The following FYN variants were observed in gnomAD, a reference collection of about 807,000 sequenced individuals.
FYN encodes the protein FYN proto-oncogene, Src family tyrosine kinase.
Under a neutral mutation model 70.2 loss-of-function variants are expected in FYN, and 10 were observed. That is an observed-to-expected ratio of 0.14 (90% CI 0.09 to 0.24). The LOEUF (loss-of-function observed/expected upper bound fraction) is 0.24. FYN is among the 10% of genes least tolerant of loss of function. The pLI, the probability that FYN is intolerant of heterozygous loss-of-function variation, is 1.00. For synonymous variants in FYN, 236 were observed against 248.6 expected (o/e 0.95, Z 0.48); for missense variants, 319 against 673.1 (o/e 0.47, Z 5.82).
intron 5 of FYN, among the ~76,000 whole-genome samples, chr6:111,713,930 T>G (rs1800502248): frequency 6.6e-6 from 1 of 152,192 alleles, no homozygotes; most frequent in Non-Finnish European, 1.5e-5. Context: ...AAGCCTCAAG[T>G]GAGGGCTTAG....
Position 111,758,570 on chromosome 6 carries a change from C to G in FYN, c.-12+21996G>C. Among the ~76,000 whole-genome samples, 2 of 152,152 alleles carry G rather than the reference C, an allele frequency of 1.3e-5. 1 individual carries two copies. Among genetic ancestry groups the G allele is most frequent in the Non-Finnish European group, 2.9e-5 (2 of 68,026 alleles). ...ATAGTTTCATGGCAGTGAAAATACC[C>G]AACAAAAGCCAAGTGTCCTGCTGAT... On this transcript the variant is annotated intron_variant, in intron 3 of 13. Coordinates refer to ENST00000354650, the MANE Select transcript of FYN (RefSeq NM_002037.5).
At position 111,784,551 on chromosome 6, in the gene FYN, T is replaced by C. The variant is rs901270618; in HGVS notation, c.-81-3916A>G. 1.2e-4 allele frequency among the ~76,000 whole-genome samples: 18 copies of C among 152,324 alleles called. No homozygotes were observed. The South Asian group carries it at 2.3e-3, about 19-fold the overall frequency. ...AGTCTAAACGATCAACTGGAGGAAA[T>C]GCTGAACACTTTCCAAATTATTTTA... On this transcript the variant is annotated intron_variant, in intron 2 of 13. Coordinates refer to ENST00000354650, the MANE Select transcript of FYN (RefSeq NM_002037.5).
In FYN at chr6:111,766,521, A is replaced by G. The variant is rs545212890; in HGVS notation, c.-12+14045T>C. Among the ~76,000 whole-genome samples the G allele has an allele frequency of 2.6e-5, 4 of 152,328 alleles. No individual in the cohort carries two copies. In the South Asian group the frequency reaches 8.3e-4, roughly 32 times the overall value. ...CAGCTCTTGCTGTCTATATTAGTCCATTCTCACACTGCTAATAAAGACATA... is the reference window on the plus strand; with the variant it reads ...CAGCTCTTGCTGTCTATATTAGTCCGTTCTCACACTGCTAATAAAGACATA... On this transcript the variant is annotated intron_variant, in intron 3 of 13. Coordinates refer to ENST00000354650, the MANE Select transcript of FYN (RefSeq NM_002037.5).
chr6:111,827,720 C>A (rs138640785), intron 2 of FYN, among the ~76,000 whole-genome samples: 43 of 152,290 alleles, frequency 2.8e-4, no homozygotes, highest in African/African-American at 1.0e-3. Context: ...TTACAGTGTT[C>A]ACAATTATTC....
chr6:111,841,725 G>A (rs1319430976), intron 2 of FYN, among the ~76,000 whole-genome samples: 1 of 151,292 alleles, frequency 6.6e-6, no homozygotes, highest in Non-Finnish European at 1.5e-5. Context: ...ATCTGCAGTT[G>A]TTCTAGATCA....
intron 2 of FYN, among the ~76,000 whole-genome samples, chr6:111,797,576 G>C (rs1771845128): frequency 7.5e-6 from 1 of 133,582 alleles, no homozygotes; most frequent in African/African-American, 3.3e-5. Flanking sequence ...CTCACACAAT[G>C]GAAAACTTCA....
rs1232245009 is a variant in FYN at position 111,719,953 on chromosome 6, G to A, written c.99C>T (p.Asp33=). 24 of 1,614,084 alleles carry A rather than the reference G, an allele frequency of 1.5e-5. 1 individual carries two copies. The highest frequency in any genetic ancestry group is 1.9e-5 in the Non-Finnish European group (22 of 1,180,038). The change falls in exon 4 of 14, where the codon GAC becomes GAT. Residue 33 remains aspartate (D), a synonymous_variant. Coordinates refer to ENST00000354650, the MANE Select transcript of FYN (RefSeq NM_002037.5). The part of the protein sequence containing the change: ...NQSSGYRYGT[D]PTPQHYPSFG... ...AGCTGGGGTAGTGCTGAGGGGTGGGGTCTGTGCCATAGCGGTACCCAGAGC... is the reference window on the plus strand; with the variant it reads ...AGCTGGGGTAGTGCTGAGGGGTGGGATCTGTGCCATAGCGGTACCCAGAGC...
intron 2 of FYN, among the ~76,000 whole-genome samples, chr6:111,784,427 T>C (rs751780737): frequency 6.6e-6 from 1 of 152,206 alleles, no homozygotes; most frequent in Admixed American, 6.5e-5. Context: ...AAAGCCATAG[T>C]TGAGAAACTC....
At chr6:111,802,085 C>T (rs1057339409) in intron 2 of FYN, among the ~76,000 whole-genome samples, 1 of 152,178 alleles carries the variant, frequency 6.6e-6, no homozygotes, top group African/African-American at 2.4e-5. Flanking sequence ...GCCCAAATCT[C>T]ATGTTGAATT....
chr6:111,806,217 G>C (rs975902874), intron 2 of FYN, among the ~76,000 whole-genome samples: 1 of 152,162 alleles, frequency 6.6e-6, no homozygotes, highest in Non-Finnish European at 1.5e-5. Context: ...GCACGAGCTT[G>C]TAACTCCTGG....
intron 12 of FYN, among the ~76,000 whole-genome samples, chr6:111,689,818 G>A (rs1799224690): frequency 6.6e-6 from 1 of 152,046 alleles, no homozygotes. Context: ...GAGTGCTGGA[G>A]GTATTCTGTA....
intron 1 of FYN, among the ~76,000 whole-genome samples, chr6:111,852,684 T>TA (rs1234061152): frequency 0.01 from 1,528 of 148,870 alleles, 22 homozygotes; most frequent in African/African-American, 0.033. Context: ...TAGTAAGAGT[T>TA]AAAAAAAAAA....
chr6:111,775,410 G>A (rs141110784), intron 3 of FYN, among the ~76,000 whole-genome samples: 72 of 152,332 alleles, frequency 4.7e-4, no homozygotes, highest in African/African-American at 1.6e-3. Flanking sequence ...ACTTTTCTTA[G>A]TGAGCAAGTG....
chr6:111,707,625 GCTAGCAT>G (rs772220840), intron 6 of FYN, among the ~76,000 whole-genome samples: 5 of 152,158 alleles, frequency 3.3e-5, no homozygotes, highest in Non-Finnish European at 7.3e-5. Context: ...ATATGCTCTA[GCTAGCAT>G]TTCATATTTT....
intron 1 of FYN, among the ~76,000 whole-genome samples, chr6:111,870,549 A>G (rs1027044256): frequency 6.6e-6 from 1 of 152,236 alleles, no homozygotes; most frequent in African/African-American, 2.4e-5. Flanking sequence ...CGCTAAGATA[A>G]AACTTGGTAG....
intron 3 of FYN, among the ~76,000 whole-genome samples, chr6:111,720,438 G>A (rs1263559267): frequency 6.6e-6 from 1 of 152,116 alleles, no homozygotes; most frequent in Non-Finnish European, 1.5e-5. Flanking sequence ...ATGCTCTGTA[G>A]AATGAGTCTA....
intron 13 of FYN, among the ~76,000 whole-genome samples, chr6:111,672,051 T>TTCCC (rs1481310763): frequency 6.6e-5 from 10 of 152,278 alleles, no homozygotes; most frequent in African/African-American, 2.4e-4. Context: ...GAGGACACGG[T>TTCCC]TCCCTGGTTG....
At chr6:111,706,887 A>C (rs566941338) in intron 6 of FYN, among the ~76,000 whole-genome samples, 2 of 152,328 alleles carry the variant, frequency 1.3e-5, no homozygotes, top group East Asian at 3.9e-4. Flanking sequence ...CTGATGACGA[A>C]ACACAGTCAC....
chr6:111,668,586 A>C (rs1236023111), intron 13 of FYN, among the ~76,000 whole-genome samples: 1 of 151,624 alleles, frequency 6.6e-6, no homozygotes, highest in South Asian at 2.1e-4. Flanking sequence ...AACAAGGAGC[A>C]CGTGAGGCTG....
Sources: gnomAD v4.1 joint callset for allele counts (sites outside exome capture counted in the v4.1 genomes callset) on GRCh38, gnomAD v4.1.1 for gene constraint, MANE v1.5 for transcripts, NCBI Gene and HGNC (gene_info 2026-07-23, HGNC 2026-07-21) for gene names.